Variants in RSPH9 observed in about 807,000 individuals in gnomAD.
RSPH9 encodes radial spoke head protein 9 homolog.
A neutral mutation model predicts 27.0 loss-of-function variants in RSPH9; 27 were observed. The ratio of observed to expected loss-of-function variants is 1.00; its 90% CI spans 0.74 to 1.38. The LOEUF (loss-of-function observed/expected upper bound fraction) is 1.38, where lower values mean the gene tolerates loss of function less well. RSPH9 is among the 40% of genes most tolerant of loss of function. RSPH9 has a pLI of 0.00. For synonymous variants in RSPH9, 145 were observed against 147.7 expected (o/e 0.98, Z 0.13); for missense variants, 347 against 357.4 (o/e 0.97, Z 0.24).
At chr6:43,660,292 C>T (rs1772477969) in intron 4 of RSPH9, among the ~76,000 whole-genome samples, 1 of 151,964 alleles carries the variant, frequency 6.6e-6, no homozygotes, top group Admixed American at 6.6e-5. Flanking sequence ...CTGCCCACCT[C>T]AGCCTCCCAA....
intron 4 of RSPH9, among the ~76,000 whole-genome samples, chr6:43,664,027 G>GAA (rs1294350617): frequency 1.8e-4 from 14 of 79,072 alleles, no homozygotes; most frequent in African/African-American, 6.0e-4. Flanking sequence ...AGAATGTCTC[G>GAA]AAAAAAAAAA....
At chr6:43,646,128 A>G (rs12662090) in intron 1 of RSPH9, among the ~76,000 whole-genome samples, 2 of 140,002 alleles carry the variant, frequency 1.4e-5, no homozygotes, top group Admixed American at 7.1e-5. Flanking sequence ...CTATTTATTT[A>G]TTATTATTAT....
intron 4 of RSPH9, among the ~76,000 whole-genome samples, chr6:43,658,018 G>A (rs906043970): frequency 1.3e-5 from 2 of 152,108 alleles, no homozygotes; most frequent in African/African-American, 2.4e-5. Flanking sequence ...AGCCGGGTGC[G>A]GTGGCTCACG....
intron 2 of RSPH9, among the ~76,000 whole-genome samples, chr6:43,650,987 A>C (rs1771412871): frequency 6.6e-6 from 1 of 151,412 alleles, no homozygotes. Context: ...TGGGACAGGA[A>C]TATCACTATG....
chr6:43,645,518 G>A (rs1161848730), intron 1 of RSPH9, among the ~76,000 whole-genome samples, 193 bp downstream of exon 1: 1 of 152,232 alleles, frequency 6.6e-6, no homozygotes, highest in Non-Finnish European at 1.5e-5. Context: ...TGAGGGAAAG[G>A]GCGGGGATGG....
chr6:43,669,450 T>G (rs1773490014), intron 4 of RSPH9, among the ~76,000 whole-genome samples: 1 of 152,052 alleles, frequency 6.6e-6, no homozygotes, highest in East Asian at 1.9e-4. Flanking sequence ...TGGCCCCCAG[T>G]GGGTGGGCAC....
chr6:43,672,164 T>A lies in RSPH9; in HGVS notation c.*1215T>A. On this transcript the variant is annotated 3_prime_UTR_variant, in exon 5 of 5. Transcript: ENST00000372163. The stretch of plus-strand genomic sequence containing the variant: ...GGGCCACAAGCTCCCTTGATCTTTG[T>A]AAATGTCAATGTTGGTGTGTGTTTG... 1 of 561,256 alleles carries A rather than the reference T, an allele frequency of 1.8e-6. No homozygotes were observed. Among genetic ancestry groups the A allele is most frequent in the Non-Finnish European group, 3.3e-6 (1 of 304,954 alleles). The allele number at this position is 561,256 out of a possible 1,614,324, so 34.8% of individuals were successfully genotyped here.
intron 2 of RSPH9, among the ~76,000 whole-genome samples, chr6:43,652,741 T>C (rs962941153): frequency 3.3e-5 from 5 of 151,714 alleles, no homozygotes; most frequent in African/African-American, 1.2e-4. Flanking sequence ...TTTTTTTTTT[T>C]TTTTTTCACC....
At position 43,671,649 on chromosome 6, in the gene RSPH9, C is replaced by G. The variant is rs1208810004; in HGVS notation, c.*700C>G. 2.6e-5 allele frequency: 34 copies of G among 1,284,440 alleles called. No individual in the cohort carries two copies. Among genetic ancestry groups the G allele is most frequent in the South Asian group, 1.3e-5 (1 of 78,360 alleles). The allele number at this position is 1,284,440 out of a possible 1,614,324, so 79.6% of individuals were successfully genotyped here. On this transcript the variant is annotated 3_prime_UTR_variant, in exon 5 of 5. Coordinates refer to ENST00000372163, the MANE Select transcript of RSPH9 (RefSeq NM_152732.5). ...CCCCTGTCCATGCATGTTGGAGGGA[C>G]CAGGCCATCGTGGTGGGGTGGGACA...
At chr6:43,663,911 C>T (rs1256098936) in intron 4 of RSPH9, among the ~76,000 whole-genome samples, 2 of 150,866 alleles carry the variant, frequency 1.3e-5, no homozygotes, top group African/African-American at 4.9e-5. Context: ...CACCTGTAGT[C>T]CCAGCTACTC....
chr6:43,662,399 C>A (rs1772723427), intron 4 of RSPH9, among the ~76,000 whole-genome samples: 2 of 150,222 alleles, frequency 1.3e-5, no homozygotes, highest in African/African-American at 2.4e-5. Flanking sequence ...CGGAGTCTTG[C>A]TCTGTCGCCC....
At chr6:43,669,708 A>G (rs1330376054) in intron 4 of RSPH9, among the ~76,000 whole-genome samples, 1 of 152,250 alleles carries the variant, frequency 6.6e-6, no homozygotes, top group Admixed American at 6.5e-5. Flanking sequence ...GGGGAATAGA[A>G]GCCCCAGATC....
At chr6:43,647,668 T>C (rs922433963) in intron 1 of RSPH9, among the ~76,000 whole-genome samples, 2 of 152,170 alleles carry the variant, frequency 1.3e-5, no homozygotes, top group South Asian at 4.1e-4. Context: ...GTGAGGTGCC[T>C]GAGTTACAAG....
chr6:43,671,804 G>A lies in RSPH9; in HGVS notation c.*855G>A, dbSNP rs1251740551. 1 of 1,614,214 alleles carries A rather than the reference G, an allele frequency of 6.2e-7. No individual in the cohort carries two copies. The highest frequency in any genetic ancestry group is 1.3e-5 in the African/African-American group (1 of 75,056). On this transcript the variant is annotated 3_prime_UTR_variant, in exon 5 of 5. Coordinates refer to ENST00000372163, the MANE Select transcript of RSPH9 (RefSeq NM_152732.5). Reference sequence around the variant, plus strand: ...AAGGTGTTCTTGAGTAGCAGACATTGTCCCTCAGAAGGGGTGACCCCACGG... The same window carrying A: ...AAGGTGTTCTTGAGTAGCAGACATTATCCCTCAGAAGGGGTGACCCCACGG...
chr6:43,655,784 C>T, intron 3 of RSPH9, 93 bp downstream of exon 3: 1 of 1,440,992 alleles, frequency 6.9e-7, no homozygotes, highest in Admixed American at 1.7e-5. Context: ...GGGGCTTACA[C>T]ACTTTATCAG....
Position 43,670,816 on chromosome 6 carries a change from G to C in RSPH9, c.698G>C (p.Gly233Ala). The C allele has an allele frequency of 6.2e-7, 1 of 1,614,178 alleles. No homozygotes were observed. Among genetic ancestry groups the C allele is most frequent in the Admixed American group, 1.7e-5 (1 of 60,026 alleles). Reference sequence around the variant, plus strand: ...TCCTGGAGCATCCAGATGGAGAGGGGCAATGCCCTGGTGGTGCTGCGCAGC... The same window carrying C: ...TCCTGGAGCATCCAGATGGAGAGGGCCAATGCCCTGGTGGTGCTGCGCAGC... The part of the protein sequence containing the change: ...KGSWSIQMER[G>A]NALVVLRSLL... The change falls in exon 5 of 5, where the codon GGC becomes GCC. Residue 233 changes from glycine to alanine, a missense_variant. Transcript: ENST00000372163.
chr6:43,666,202 C>T (rs1387563700), intron 4 of RSPH9, among the ~76,000 whole-genome samples: 3 of 152,106 alleles, frequency 2.0e-5, no homozygotes, highest in African/African-American at 4.8e-5. Context: ...CACAGGAGAG[C>T]GGACAGCTCT....
chr6:43,656,830 A>C (rs1426053827), intron 4 of RSPH9, 107 bp downstream of exon 4: 1 of 1,302,062 alleles, frequency 7.7e-7, no homozygotes, highest in African/African-American at 1.4e-5. Flanking sequence ...CCTAGTGGGA[A>C]TTGGTGGTTC....
Position 43,662,747 on chromosome 6 carries a change from C to T in RSPH9, c.670+6024C>T, listed in dbSNP as rs1488359374. 3.9e-5 allele frequency among the ~76,000 whole-genome samples: 6 copies of T among 152,204 alleles called. No individual in the cohort carries two copies. In the South Asian group the frequency reaches 1.2e-3, roughly 32 times the overall value. On this transcript the variant is annotated intron_variant, in intron 4 of 4. Transcript: ENST00000372163. ...CTTCAAGGACTTTTATTTGCATTCACAGCTTAGCTGTTTGGTATAAGAGGC... is the reference window on the plus strand; with the variant it reads ...CTTCAAGGACTTTTATTTGCATTCATAGCTTAGCTGTTTGGTATAAGAGGC...
Sources: gnomAD v4.1 joint callset for allele counts (sites outside exome capture counted in the v4.1 genomes callset) on GRCh38, gnomAD v4.1.1 for gene constraint, MANE v1.5 for transcripts, NCBI Gene and HGNC (gene_info 2026-07-23, HGNC 2026-07-21) for gene names.